PARD3: variants seen among roughly 807,000 people sequenced by gnomAD.
PARD3 encodes the protein partitioning defective 3 homolog.
Under a neutral mutation model 155.4 loss-of-function variants are expected in PARD3, and 75 were observed. The observed-to-expected ratio is 0.48, with a 90% CI of 0.40 to 0.58. The LOEUF is 0.58. Ranked by LOEUF, PARD3 falls within the 20% of genes least tolerant of loss-of-function variation. The probability of loss-of-function intolerance (pLI) is 0.00; values close to 1 mark genes in which losing one functional copy is unlikely to be tolerated. For missense variants in PARD3, 1,642 were observed against 1,721.7 expected, an observed-to-expected ratio of 0.95 and a Z score of 0.82; for synonymous variants, 576 against 610.5, an observed-to-expected ratio of 0.94 and a Z score of 0.83.
intron 1 of PARD3, among the ~76,000 whole-genome samples, chr10:34,714,776 T>A (rs1385974426): frequency 1.6e-4 from 4 of 24,530 alleles, no homozygotes; most frequent in Admixed American, 5.2e-4. Flanking sequence ...CACATCAAAA[T>A]TTTTTTTTTT....
intron 5 of PARD3, among the ~76,000 whole-genome samples, chr10:34,445,666 T>C (rs2076699318): frequency 1.3e-5 from 2 of 152,098 alleles, no homozygotes; most frequent in Non-Finnish European, 2.9e-5. Context: ...TACTACTTCC[T>C]TAAAAACAGG....
chr10:34,204,038 T>C (rs1270424089), intron 22 of PARD3, among the ~76,000 whole-genome samples: 1 of 152,256 alleles, frequency 6.6e-6, no homozygotes, highest in African/African-American at 2.4e-5. Flanking sequence ...ATCACTTGAT[T>C]AGAGGTTTCT....
At chr10:34,287,538 G>C (rs1245189435) in intron 20 of PARD3, among the ~76,000 whole-genome samples, 1 of 152,006 alleles carries the variant, frequency 6.6e-6, no homozygotes, top group Non-Finnish European at 1.5e-5. Flanking sequence ...TAATGGTGAG[G>C]AAAGATTTAG....
intron 2 of PARD3, among the ~76,000 whole-genome samples, chr10:34,653,033 A>G (rs770494828): frequency 1.3e-5 from 2 of 152,158 alleles, no homozygotes; most frequent in Non-Finnish European, 2.9e-5. Flanking sequence ...AAACAACAAC[A>G]ACAACAAAAA....
chr10:34,542,791 TA>T, intron 2 of PARD3, among the ~76,000 whole-genome samples: 1 of 152,358 alleles, frequency 6.6e-6, no homozygotes, highest in South Asian at 2.1e-4. Flanking sequence ...CATACAATTT[TA>T]AAAAGATGGA....
chr10:34,591,885 T>C (rs2088727782), intron 2 of PARD3, among the ~76,000 whole-genome samples: 1 of 152,110 alleles, frequency 6.6e-6, no homozygotes, highest in Non-Finnish European at 1.5e-5. Flanking sequence ...AACACAATCA[T>C]GATTATCACG....
chr10:34,792,753 T>C (rs1841818922), intron 1 of PARD3, among the ~76,000 whole-genome samples: 1 of 152,202 alleles, frequency 6.6e-6, no homozygotes, highest in African/African-American at 2.4e-5. Flanking sequence ...TGCTCATGCC[T>C]ACAGGCTGCT....
chr10:34,509,482 T>C (rs2081279241), intron 3 of PARD3, among the ~76,000 whole-genome samples: 1 of 152,120 alleles, frequency 6.6e-6, no homozygotes, highest in Non-Finnish European at 1.5e-5. Context: ...TTATTTTCCT[T>C]TAAAATCAAA....
intron 2 of PARD3, among the ~76,000 whole-genome samples, chr10:34,571,177 T>C (rs2086365517): frequency 6.6e-6 from 1 of 152,058 alleles, no homozygotes; most frequent in Admixed American, 6.6e-5. Flanking sequence ...CTGGGGGTAG[T>C]AGTGCACACA....
intron 2 of PARD3, among the ~76,000 whole-genome samples, chr10:34,650,025 A>G (rs1037468522): frequency 6.6e-6 from 1 of 152,240 alleles, no homozygotes; most frequent in Admixed American, 6.5e-5. Context: ...GAAGGGCTTC[A>G]GAGGTGACAG....
intron 2 of PARD3, among the ~76,000 whole-genome samples, chr10:34,666,074 G>A (rs753679739): frequency 5.9e-5 from 9 of 151,800 alleles, no homozygotes; most frequent in Non-Finnish European, 8.8e-5. Flanking sequence ...AATTAAATTA[G>A]CCAGGCATGG....
chr10:34,726,605 TAC>T (rs1331552378), intron 1 of PARD3, among the ~76,000 whole-genome samples: 1 of 151,454 alleles, frequency 6.6e-6, no homozygotes, highest in African/African-American at 2.4e-5. Context: ...CACAAACACA[TAC>T]ACAATTAGCT....
chr10:34,335,409 G>A (rs1378357216), intron 18 of PARD3, among the ~76,000 whole-genome samples: 1 of 151,978 alleles, frequency 6.6e-6, no homozygotes, highest in Non-Finnish European at 1.5e-5. Context: ...ACTGGATACA[G>A]ATTAAAACAC....
chr10:34,210,100 G>GA (rs990685567), intron 22 of PARD3, among the ~76,000 whole-genome samples: 9 of 152,152 alleles, frequency 5.9e-5, no homozygotes, highest in Admixed American at 5.2e-4. Context: ...GTGTCTTTAT[G>GA]AAATGTGCTC....
At chr10:34,500,861 G>C (rs2080650126) in intron 3 of PARD3, among the ~76,000 whole-genome samples, 1 of 152,086 alleles carries the variant, frequency 6.6e-6, no homozygotes, top group Admixed American at 6.5e-5. Flanking sequence ...GCTTGAACAA[G>C]AGAGAGTACC....
intron 22 of PARD3, among the ~76,000 whole-genome samples, chr10:34,249,876 T>C (rs1303097716): frequency 6.6e-6 from 1 of 152,216 alleles, no homozygotes; most frequent in Non-Finnish European, 1.5e-5. Flanking sequence ...CCAGGCACGC[T>C]GCACATCCGA....
intron 14 of PARD3, among the ~76,000 whole-genome samples, chr10:34,355,940 A>AAAAAC (rs1564622469): frequency 8.5e-6 from 1 of 117,040 alleles, no homozygotes; most frequent in East Asian, 2.0e-4. Context: ...AAAAAAAAAA[A>AAAAAC]AAAAAACAAA....
chr10:34,204,345 C>T (rs1951362493), intron 22 of PARD3, among the ~76,000 whole-genome samples: 2 of 152,152 alleles, frequency 1.3e-5, no homozygotes, highest in Admixed American at 6.5e-5. Context: ...ACAAGATAAC[C>T]ACCTTACATA....
chr10:34,756,441 C>G (rs1428330020), intron 1 of PARD3, among the ~76,000 whole-genome samples: 1 of 146,750 alleles, frequency 6.8e-6, no homozygotes, highest in Non-Finnish European at 1.5e-5. Flanking sequence ...GCTTGAGCCA[C>G]CGCGCCCAGC....
Sources: gnomAD v4.1 joint callset for allele counts (sites outside exome capture counted in the v4.1 genomes callset) on GRCh38, gnomAD v4.1.1 for gene constraint, MANE v1.5 for transcripts, NCBI Gene and HGNC (gene_info 2026-07-23, HGNC 2026-07-21) for gene names.